The following CRYBG3 variants were observed in gnomAD, a reference collection of about 807,000 sequenced individuals.
The protein encoded by CRYBG3 is crystallin beta-gamma domain containing 3, also known as very large A-kinase anchor protein.
Under a neutral mutation model 244.2 loss-of-function variants are expected in CRYBG3, and 127 were observed. The ratio of observed to expected loss-of-function variants is 0.52; its 90% CI spans 0.45 to 0.60. The LOEUF (loss-of-function observed/expected upper bound fraction) is 0.60, where lower values mean the gene tolerates loss of function less well. CRYBG3 is among the 20% of genes least tolerant of loss of function. The pLI is 0.00. For synonymous variants in CRYBG3, 1,132 were observed against 1,195.8 expected (o/e 0.95, Z 1.10); for missense variants, 3,325 against 3,442.5 (o/e 0.97, Z 0.85).
intron 20 of CRYBG3, 132 bp downstream of exon 20, chr3:97,941,438 C>G (rs745378547): frequency 2.8e-5 from 16 of 579,904 alleles, no homozygotes; most frequent in Non-Finnish European, 4.4e-5. Context: ...TATAAAAATA[C>G]TGCCATATAT....
chr3:97,862,646 T>C (rs535899355), intron 2 of CRYBG3, among the ~76,000 whole-genome samples: 8 of 152,148 alleles, frequency 5.3e-5, no homozygotes, highest in Non-Finnish European at 1.2e-4. Flanking sequence ...GCTGTTTATA[T>C]GAGGAGAGGG....
chr3:97,900,459 C>T lies in CRYBG3; in HGVS notation c.7978C>T (p.Leu2660Phe), dbSNP rs369051111. The T allele has an allele frequency of 2.6e-6, 4 of 1,553,714 alleles. No individual in the cohort carries two copies. Among genetic ancestry groups the T allele is most frequent in the Middle Eastern group, 1.7e-4 (1 of 5,960 alleles). ...MSIRPIQLEP[L>F]GINEPPHLLK... ...GTTTTAATATGTTTTTCAGGAACCA[C>T]TTGGGATAAATGAACCTCCGCATTT... Residue 2660 changes from leucine (L) to phenylalanine (F), a missense_variant, in exon 15 of 22, where the codon CTT (leucine) becomes TTT (phenylalanine). Leu to Phe is a conservative substitution (Grantham distance 22). This residue lies in a region of CRYBG3 where 714 missense variants were observed against 803.6 expected (regional missense o/e 0.89). Transcript: ENST00000389622.
chr3:97,898,887 T>G lies in CRYBG3; in HGVS notation c.7706T>G (p.Phe2569Cys), dbSNP rs1377209956. The change falls in exon 13 of 22, where the codon TTT becomes TGT. Residue 2569 changes from phenylalanine to cysteine, a missense_variant. By Grantham distance (205) the Phe-to-Cys change is radical. This residue lies in a region of CRYBG3 where 714 missense variants were observed against 803.6 expected (regional missense o/e 0.89). Transcript: ENST00000389622. ...ILSFRYLQAN[F>C]IESSVTLFES... ...CTTTCCTCTTTCTCCTTTTAGAATT[T>G]TATAGAATCTTCTGTCACACTATTT... 6.3e-7 allele frequency: 1 copy of G among 1,583,668 alleles called. No homozygotes were observed. Among genetic ancestry groups the G allele is most frequent in the Admixed American group, 1.9e-5 (1 of 54,006 alleles).
chr3:97,822,255 C>T lies in CRYBG3; in HGVS notation c.49C>T (p.Arg17Trp), dbSNP rs772391478. 9.1e-5 allele frequency: 139 copies of T among 1,530,894 alleles called. No individual in the cohort carries two copies. The highest frequency in any genetic ancestry group is 3.6e-4 in the Middle Eastern group (2 of 5,546). The allele number at this position is 1,530,894 out of a possible 1,614,324, so 94.8% of individuals were successfully genotyped here. Reference sequence around the variant, plus strand: ...CAGCGCCCCCTGGCACAGCTTCTCCCGGTTCTTCGCTCCCCGAAGTCCTTC... The same window carrying T: ...CAGCGCCCCCTGGCACAGCTTCTCCTGGTTCTTCGCTCCCCGAAGTCCTTC... ...RGSAPWHSFSRFFAPRSPSRD... is the reference protein window; with the variant it reads ...RGSAPWHSFSWFFAPRSPSRD... The change falls in exon 1 of 22, where the codon CGG becomes TGG. Residue 17 changes from arginine (R) to tryptophan (W), a missense_variant. Arg to Trp is a moderately radical substitution (Grantham distance 101). Coordinates refer to ENST00000389622, the MANE Select transcript of CRYBG3 (RefSeq NM_153605.4).
Position 97,876,394 on chromosome 3 carries a change from G to T in CRYBG3, c.5200G>T (p.Val1734Leu), listed in dbSNP as rs1443228661. The T allele has an allele frequency of 1.2e-5, 15 of 1,232,030 alleles. No individual in the cohort carries two copies. The highest frequency in any genetic ancestry group is 8.4e-5 in the Admixed American group (2 of 23,694). The allele number at this position is 1,232,030 out of a possible 1,614,324, so 76.3% of individuals were successfully genotyped here. ...GDIGKAEVMP[V>L]RLEMENTYPK... ...TATTGGAAAGGCTGAAGTGATGCCT[G>T]TGAGGTTAGAAATGGAAAATACTTA... The change falls in exon 4 of 22, where the codon GTG (valine) becomes TTG (leucine). Residue 1734 changes from valine (V) to leucine (L), a missense_variant. By Grantham distance (32) the Val-to-Leu change is conservative (BLOSUM62 1). Coordinates refer to ENST00000389622, the MANE Select transcript of CRYBG3 (RefSeq NM_153605.4).
intron 17 of CRYBG3, among the ~76,000 whole-genome samples, chr3:97,922,649 C>T (rs1388928906): frequency 2.6e-5 from 4 of 152,136 alleles, no homozygotes; most frequent in African/African-American, 7.2e-5. Context: ...TACCATCTCA[C>T]ACCAGTTAGA....
intron 21 of CRYBG3, 102 bp from the exon 22 acceptor site, chr3:97,943,124 C>G: frequency 1.5e-6 from 1 of 654,608 alleles, no homozygotes. Flanking sequence ...ATGACACATT[C>G]ATCCACCGAA....
chr3:97,872,130 CA>C lies in CRYBG3; in HGVS notation c.938del (p.Lys313ArgfsTer5). The C allele has an allele frequency of 3.9e-6, 6 of 1,535,996 alleles. No individual in the cohort carries two copies. The highest frequency in any genetic ancestry group is 1.2e-5 in the South Asian group (1 of 84,056). On this transcript the variant is annotated frameshift_variant, in exon 4 of 22. Coordinates refer to ENST00000389622, the MANE Select transcript of CRYBG3 (RefSeq NM_153605.4). LOFTEE classifies it high-confidence loss of function. ...DSDCSKTSFN[K>X]ENSLTNNPEL... ...CTGATTGTAGCAAAACAAGTTTCAA[CA>C]AGGAAAATTCTTTGACAAATAACCC...
chr3:97,916,513 A>C (rs1266518794), intron 17 of CRYBG3, among the ~76,000 whole-genome samples: 1 of 152,172 alleles, frequency 6.6e-6, no homozygotes, highest in East Asian at 1.9e-4. Flanking sequence ...CAGAGGAGGT[A>C]GTGAGGATCT....
intron 16 of CRYBG3, among the ~76,000 whole-genome samples, chr3:97,915,178 C>T: frequency 6.6e-6 from 1 of 152,104 alleles, no homozygotes; most frequent in Non-Finnish European, 1.5e-5. Flanking sequence ...AATAATCACC[C>T]TAATCTAATC....
intron 3 of CRYBG3, among the ~76,000 whole-genome samples, chr3:97,871,363 A>G (rs1422999158): frequency 6.6e-6 from 1 of 152,184 alleles, no homozygotes; most frequent in Non-Finnish European, 1.5e-5. Flanking sequence ...AACGTTTCCA[A>G]GTTACGTGCT....
chr3:97,847,054 G>A (rs2038914339), intron 2 of CRYBG3, among the ~76,000 whole-genome samples: 1 of 152,096 alleles, frequency 6.6e-6, no homozygotes, highest in South Asian at 2.1e-4. Context: ...GCAAGAGAGA[G>A]GGGAAAGCTG....
chr3:97,886,441 C>T (rs1282983228), intron 7 of CRYBG3, among the ~76,000 whole-genome samples, 190 bp from the exon 8 acceptor site: 2 of 151,626 alleles, frequency 1.3e-5, no homozygotes, highest in African/African-American at 4.8e-5. Context: ...ATTTTCATGT[C>T]ATTAACAGCT....
intron 17 of CRYBG3, among the ~76,000 whole-genome samples, chr3:97,922,324 C>T (rs1413798319): frequency 6.6e-6 from 1 of 152,030 alleles, no homozygotes; most frequent in Non-Finnish European, 1.5e-5. Context: ...CAACAAAAGC[C>T]AAAATTGACA....
At chr3:97,914,782 T>C (rs548778113) in intron 16 of CRYBG3, among the ~76,000 whole-genome samples, 1 of 152,328 alleles carries the variant, frequency 6.6e-6, no homozygotes, top group Admixed American at 6.5e-5. Flanking sequence ...TAAATTATAA[T>C]GTCACACAGC....
chr3:97,926,142 CTGA>C (rs1454497501), intron 17 of CRYBG3, among the ~76,000 whole-genome samples: 1 of 151,954 alleles, frequency 6.6e-6, no homozygotes, highest in African/African-American at 2.4e-5. Flanking sequence ...GCCCATATGC[CTGA>C]TGAACAAAGA....
intron 15 of CRYBG3, among the ~76,000 whole-genome samples, chr3:97,902,305 A>G (rs1468805736): frequency 2.0e-5 from 3 of 152,162 alleles, no homozygotes; most frequent in Non-Finnish European, 2.9e-5. Context: ...GTATGTGTGT[A>G]GGGATTAATA....
At chr3:97,870,189 T>C (rs1040044639) in intron 3 of CRYBG3, among the ~76,000 whole-genome samples, 1 of 152,130 alleles carries the variant, frequency 6.6e-6, no homozygotes, top group Non-Finnish European at 1.5e-5. Context: ...GTTTATTACA[T>C]GGAGATAAAT....
chr3:97,863,336 A>G (rs146436183), intron 2 of CRYBG3, among the ~76,000 whole-genome samples: 114 of 152,290 alleles, frequency 7.5e-4, no homozygotes, highest in African/African-American at 2.5e-3. Flanking sequence ...TGGAATGCCA[A>G]CATACTCTGA....
Sources: allele counts gnomAD v4.1 joint callset (sites outside exome capture counted in the v4.1 genomes callset), GRCh38; gene constraint gnomAD v4.1.1; regional missense constraint gnomAD v4.1.1; transcripts MANE v1.5; gene names NCBI Gene and HGNC (gene_info 2026-07-23, HGNC 2026-07-21).